The following AFF1 variants were observed in gnomAD, a reference collection of about 807,000 sequenced individuals.
AFF1 encodes AF4/FMR2 family member 1.
A neutral mutation model predicts 121.7 loss-of-function variants in AFF1; 48 were observed. The observed-to-expected ratio is 0.39, with a 90% CI of 0.31 to 0.50. The LOEUF (loss-of-function observed/expected upper bound fraction) is 0.50, where lower values mean the gene tolerates loss of function less well. Among genes scored for constraint, AFF1 ranks in the 20% least tolerant of loss-of-function variants. AFF1 has a pLI of 0.76. For missense variants in AFF1, 1,523 were observed against 1,511.7 expected, an observed-to-expected ratio of 1.01 and a Z score of -0.12; for synonymous variants, 613 against 563.0, an observed-to-expected ratio of 1.09 and a Z score of -1.26.
chr4:87,104,910 A>G (rs1403722623), intron 8 of AFF1, among the ~76,000 whole-genome samples: 1 of 152,140 alleles, frequency 6.6e-6, no homozygotes, highest in African/African-American at 2.4e-5. Context: ...GTTAAACATA[A>G]TGTGTAGACA....
intron 5 of AFF1, among the ~76,000 whole-genome samples, chr4:87,084,550 C>A (rs1357934018): frequency 7.3e-6 from 1 of 136,932 alleles, no homozygotes; most frequent in African/African-American, 2.7e-5. Context: ...ACTATGTCTC[C>A]AATAAATAAA....
At chr4:87,000,813 A>G (rs1578029839) in intron 2 of AFF1, among the ~76,000 whole-genome samples, 1 of 152,314 alleles carries the variant, frequency 6.6e-6, no homozygotes, top group East Asian at 1.9e-4. Context: ...AGGTAAAGAA[A>G]AAAACATTGA....
At chr4:86,975,092 A>G (rs756560890) in intron 2 of AFF1, among the ~76,000 whole-genome samples, 1 of 150,082 alleles carries the variant, frequency 6.7e-6, no homozygotes, top group Admixed American at 6.6e-5. Flanking sequence ...TGCTTTTCCT[A>G]CTTCTCTCTT....
At chr4:86,957,367 A>G (rs1721816885) in intron 2 of AFF1, among the ~76,000 whole-genome samples, 1 of 152,162 alleles carries the variant, frequency 6.6e-6, no homozygotes. Context: ...GTTTTGCAGA[A>G]GCTGGGGAAC....
At chr4:86,968,013 T>C (rs1295068621) in intron 2 of AFF1, among the ~76,000 whole-genome samples, 1 of 152,130 alleles carries the variant, frequency 6.6e-6, no homozygotes, top group Non-Finnish European at 1.5e-5. Context: ...AGAGAAGGCT[T>C]AGTAAGGAGG....
intron 2 of AFF1, among the ~76,000 whole-genome samples, chr4:87,015,774 C>A (rs762269856): frequency 6.6e-6 from 1 of 152,190 alleles, no homozygotes; most frequent in Non-Finnish European, 1.5e-5. Context: ...TATAAAAATT[C>A]TTGACAGTTT....
chr4:86,971,765 A>AG (rs1372454182), intron 2 of AFF1, among the ~76,000 whole-genome samples: 1 of 152,212 alleles, frequency 6.6e-6, no homozygotes, highest in African/African-American at 2.4e-5. Context: ...AGTACAAAGG[A>AG]GGTAGAGATG....
chr4:87,115,445 C>T (rs2052969631), intron 12 of AFF1, 146 bp downstream of exon 12: 1 of 844,080 alleles, frequency 1.2e-6, no homozygotes, highest in Admixed American at 2.9e-5. Flanking sequence ...GCATCTTCTT[C>T]CAGCATTACC....
intron 11 of AFF1, among the ~76,000 whole-genome samples, chr4:87,110,159 C>T (rs1222391401): frequency 1.3e-5 from 2 of 151,520 alleles, no homozygotes; most frequent in East Asian, 3.9e-4. Context: ...TCTTAACTTT[C>T]TCACTCCTTT....
intron 14 of AFF1, 60 bp from the exon 15 acceptor site, chr4:87,126,965 CT>C (rs1728308104): frequency 6.9e-7 from 1 of 1,449,100 alleles, no homozygotes; most frequent in Non-Finnish European, 9.7e-7. Context: ...AGGGATGGTA[CT>C]TTTAGGACAG....
At chr4:87,112,554 CT>C (rs1358215914) in intron 11 of AFF1, among the ~76,000 whole-genome samples, 1 of 152,182 alleles carries the variant, frequency 6.6e-6, no homozygotes, top group Non-Finnish European at 1.5e-5. Context: ...CTACCTGATC[CT>C]TTTATTACCT....
At chr4:87,116,844 G>GTGTGTA (rs1727177382) in intron 12 of AFF1, among the ~76,000 whole-genome samples, 2 of 152,120 alleles carry the variant, frequency 1.3e-5, no homozygotes, top group Non-Finnish European at 2.9e-5. Context: ...GTGTGTGTGT[G>GTGTGTA]TGTATGTGTG....
chr4:87,025,672 A>C (rs1181798415), intron 2 of AFF1, among the ~76,000 whole-genome samples: 5 of 152,114 alleles, frequency 3.3e-5, no homozygotes, highest in African/African-American at 1.2e-4. Context: ...TGCTACCATC[A>C]TCTCAGATAG....
Position 87,073,280 on chromosome 4 carries a change from C to CAAAAAAAA in AFF1, c.1060-10813_1060-10806dup, listed in dbSNP as rs55821662. Among the ~76,000 whole-genome samples, 52 of 83,682 alleles carry CAAAAAAAA rather than the reference C, an allele frequency of 6.2e-4. 1 individual carries two copies. The highest frequency in any genetic ancestry group is 2.2e-3 in the African/African-American group (42 of 19,160). The allele number at this position is 83,682 out of a possible 152,430, so 54.9% of individuals were successfully genotyped here. Reference sequence around the variant, plus strand: ...ATTGCTCATTACCCAGCATTAAAGCCAAAAAAAAAAAAAAAAAAAAAAAAA... The same window carrying CAAAAAAAA: ...ATTGCTCATTACCCAGCATTAAAGCCAAAAAAAAAAAAAAAAAAAAAAAAAAAAAAAAA... On this transcript the variant is annotated intron_variant, in intron 4 of 20. Coordinates refer to ENST00000395146, the MANE Select transcript of AFF1 (RefSeq NM_001166693.3).
intron 1 of AFF1, among the ~76,000 whole-genome samples, chr4:86,948,142 A>G (rs2149449323): frequency 6.6e-6 from 1 of 152,214 alleles, no homozygotes; most frequent in African/African-American, 2.4e-5. Flanking sequence ...ATTGTAATGT[A>G]TTAATGAAAT....
chr4:87,049,934 G>C (rs1731109173), intron 4 of AFF1, among the ~76,000 whole-genome samples: 1 of 152,144 alleles, frequency 6.6e-6, no homozygotes, highest in Admixed American at 6.5e-5. Context: ...TTTTAATGAA[G>C]ATCTCATGTT....
At chr4:87,004,095 T>G (rs1204205001) in intron 2 of AFF1, among the ~76,000 whole-genome samples, 1 of 152,234 alleles carries the variant, frequency 6.6e-6, no homozygotes, top group Non-Finnish European at 1.5e-5. Flanking sequence ...GGATTCTATT[T>G]CAGTAGTTCT....
rs557354951 is a variant in AFF1, at chr4:86,981,873, C to T, written c.38+33302C>T. 7.9e-5 allele frequency among the ~76,000 whole-genome samples: 12 copies of T among 152,350 alleles called. No homozygotes were observed. The East Asian group carries it at 2.3e-3, about 29-fold the overall frequency. On this transcript the variant is annotated intron_variant, in intron 2 of 20. Transcript: ENST00000395146. ...CTTAAAGCCTGTTGGTGACTGGTCA[C>T]TAACATCTGCTCTTCAGTTTATACA...
At chr4:87,102,250 T>A (rs1217738252) in intron 8 of AFF1, among the ~76,000 whole-genome samples, 2 of 152,268 alleles carry the variant, frequency 1.3e-5, no homozygotes, top group African/African-American at 2.4e-5. Context: ...TTGAAATAAC[T>A]GCCTTGACTT....
Sources: allele counts gnomAD v4.1 joint callset (sites outside exome capture counted in the v4.1 genomes callset), GRCh38; gene constraint gnomAD v4.1.1; transcripts MANE v1.5; gene names NCBI Gene and HGNC (gene_info 2026-07-23, HGNC 2026-07-21).